NT5C: variants seen among roughly 807,000 people sequenced by gnomAD.
NT5C encodes the protein 5'(3')-deoxyribonucleotidase, cytosolic type.
In NT5C, 14 loss-of-function variants were observed where a neutral mutation model predicts 17.6. The observed-to-expected ratio is 0.79, with a 90% CI of 0.52 to 1.24. NT5C has a LOEUF of 1.24. Among genes scored for constraint, NT5C ranks in the 50% most tolerant of loss-of-function variants. The pLI, the probability that NT5C is intolerant of heterozygous loss-of-function variation, is 0.00. For missense variants in NT5C, 328 were observed against 278.3 expected, an observed-to-expected ratio of 1.18 and a Z score of -1.27; for synonymous variants, 153 against 119.2, an observed-to-expected ratio of 1.28 and a Z score of -1.85.
Position 75,130,647 on chromosome 17 carries a change from G to A in NT5C, c.452-5C>T, listed in dbSNP as rs984584634. The A allele has an allele frequency of 1.0e-5, 15 of 1,481,610 alleles. No individual in the cohort carries two copies. Among genetic ancestry groups the A allele is most frequent in the East Asian group, 2.5e-5 (1 of 39,700 alleles). 91.8% of individuals were successfully genotyped at this position (1,481,610 alleles called of 1,614,324 possible). On this transcript the variant is annotated splice_region_variant and splice_polypyrimidine_tract_variant and intron_variant, in intron 4 of 4. Transcript: ENST00000245552. ...AGCTTGGGGTCTCCTCCTGGCCTAGGACAGTGAAAGACAGCGCGCTGCCAT... is the reference window on the plus strand; with the variant it reads ...AGCTTGGGGTCTCCTCCTGGCCTAGAACAGTGAAAGACAGCGCGCTGCCAT...
At chr17:75,130,901 G>C in intron 3 of NT5C, 34 bp from the exon 4 acceptor site, 1 of 1,613,670 alleles carries the variant, frequency 6.2e-7, no homozygotes. Flanking sequence ...AGTAGGGCCT[G>C]ATGGAAGCCG....
Position 75,130,386 on chromosome 17 carries a change from G to C in NT5C, c.*102C>G, listed in dbSNP as rs548895134. 4.2e-6 allele frequency: 6 copies of C among 1,444,430 alleles called. No individual in the cohort carries two copies. The African/African-American group carries it at 8.4e-5, about 20-fold the overall frequency. The allele number at this position is 1,444,430 out of a possible 1,614,324, so 89.5% of individuals were successfully genotyped here. On this transcript the variant is annotated 3_prime_UTR_variant, in exon 5 of 5. Transcript: ENST00000245552. The stretch of plus-strand genomic sequence containing the variant: ...CGGTATCTGCCTGCTCCACTCCACG[G>C]GGCCAGAGGCACCAGCACGATGCCG...
In NT5C at chr17:75,131,271, G is replaced by C. The variant is rs773184845; in HGVS notation, c.185C>G (p.Ala62Gly). 6.8e-6 allele frequency: 11 copies of C among 1,613,884 alleles called. No individual in the cohort carries two copies. In the South Asian group the frequency reaches 1.1e-4, roughly 16 times the overall value. The change falls in exon 2 of 5, where the codon GCC becomes GGC. Residue 62 changes from alanine (A) to glycine (G), a missense_variant. Transcript: ENST00000245552. ...AAAGCCCGGGGCTTCGTACACACTG[G>C]CCACTTTATCCTGAAAGACAAGAGT... ...ALRPDLADKV[A>G]SVYEAPGFFL... is the part of the protein sequence containing the mutation.
rs565285796 is a variant in NT5C at position 75,130,310 on chromosome 17, C to T, written c.*178G>A. 1.7e-5 allele frequency: 12 copies of T among 692,938 alleles called. No homozygotes were observed. In the South Asian group the frequency reaches 1.8e-4, roughly 10 times the overall value. The allele number at this position is 692,938 out of a possible 1,614,324, so 42.9% of individuals were successfully genotyped here. ...GCCAGCCAGGGTCCAGGGACAGCCT[C>T]TCGGGAGGTACCGGGTGGCTGGGCC... On this transcript the variant is annotated 3_prime_UTR_variant, in exon 5 of 5. Coordinates refer to ENST00000245552, the MANE Select transcript of NT5C (RefSeq NM_014595.3).
rs534744896 is a variant in NT5C at position 75,131,703 on chromosome 17, G to A, written c.5C>T (p.Ala2Val). The A allele has an allele frequency of 5.8e-5, 74 of 1,282,608 alleles. 1 individual carries two copies. The highest frequency in any genetic ancestry group is 5.3e-4 in the East Asian group (17 of 32,020). 79.5% of individuals were successfully genotyped at this position (1,282,608 alleles called of 1,614,324 possible). Residue 2 changes from alanine (A) to valine (V), a missense_variant, in exon 1 of 5, where the codon GCG (alanine) becomes GTG (valine). Coordinates refer to ENST00000245552, the MANE Select transcript of NT5C (RefSeq NM_014595.3). M[A>V]RSVRVLVDMD... is the part of the protein sequence containing the mutation. ...GTCCACCAGCACGCGCACGCTCCGC[G>A]CCATCGCCGCCGGGCCGGAGCTGCG...
At position 75,131,604 on chromosome 17, in the gene NT5C, TGCGGCTCCTCAGGGAA is replaced by T. The variant is rs2074127860; in HGVS notation, c.88_103del (p.Phe30ThrfsTer53). ...GCCGCGGCGTTGCTCCAGCGGCACGTGCGGCTCCTCAGGGAAGCGGCGGCGGAAGCCCCGCAGGAGG... is the reference window on the plus strand; with the variant it reads ...GCCGCGGCGTTGCTCCAGCGGCACGTGCGGCGGCGGAAGCCCCGCAGGAGG... On this transcript the variant is annotated frameshift_variant, in exon 1 of 5. Transcript: ENST00000245552. LOFTEE classifies it high-confidence loss of function. The T allele has an allele frequency of 7.2e-7, 1 of 1,396,496 alleles. No individual in the cohort carries two copies. Among genetic ancestry groups the T allele is most frequent in the Non-Finnish European group, 9.2e-7 (1 of 1,081,710 alleles). 86.5% of individuals were successfully genotyped at this position (1,396,496 alleles called of 1,614,324 possible). A position where few individuals can be genotyped will look rare whatever the true frequency, so the allele number is the denominator to read the frequency against.
chr17:75,130,277 AT>A lies in NT5C; in HGVS notation c.*210del. ...AGGTCCCGACTGGTTTTCCCACTGT[AT>A]TTCCATGCCAGCCAGGGTCCAGGGA... On this transcript the variant is annotated 3_prime_UTR_variant, in exon 5 of 5. Transcript: ENST00000245552. 1 of 594,816 alleles carries A rather than the reference AT, an allele frequency of 1.7e-6. No individual in the cohort carries two copies. The allele number at this position is 594,816 out of a possible 1,614,324, so 36.8% of individuals were successfully genotyped here.
Position 75,131,261 on chromosome 17 carries a change from G to C in NT5C, c.195C>G (p.Tyr65Ter), listed in dbSNP as rs769568159. 6.2e-7 allele frequency: 1 copy of C among 1,613,970 alleles called. No individual in the cohort carries two copies. The highest frequency in any genetic ancestry group is 8.5e-7 in the Non-Finnish European group (1 of 1,180,004). ...PDLADKVASV[Y>*]EAPGFFLDLE... ...GGTCCAGGAAAAAGCCCGGGGCTTC[G>C]TACACACTGGCCACTTTATCCTGAA... Residue 65 changes from tyrosine to a stop codon, truncating the protein, a stop_gained, in exon 2 of 5, where the codon TAC becomes TAG. Coordinates refer to ENST00000245552, the MANE Select transcript of NT5C (RefSeq NM_014595.3). LOFTEE classifies it high-confidence loss of function.
chr17:75,131,424 C>G (rs1002996357), intron 1 of NT5C, 110 bp downstream of exon 1: 1 of 1,392,390 alleles, frequency 7.2e-7, no homozygotes, highest in African/African-American at 1.5e-5. Context: ...CCCCAGGGTG[C>G]GCTGCCCGCG....
In NT5C at chr17:75,131,118, A is replaced by G. The variant is rs1022648976; in HGVS notation, c.276-13T>C. ...GAAGACCTGCGTGCTGCGGAGAAGG[A>G]CGCGGTTACCGCCGGGAGCCAGGAG... On this transcript the variant is annotated splice_polypyrimidine_tract_variant and intron_variant, in intron 2 of 4. Coordinates refer to ENST00000245552, the MANE Select transcript of NT5C (RefSeq NM_014595.3). The G allele has an allele frequency of 1.2e-6, 2 of 1,612,972 alleles. No individual in the cohort carries two copies. The highest frequency in any genetic ancestry group is 3.3e-5 in the Admixed American group (2 of 59,998).
At position 75,130,416 on chromosome 17, in the gene NT5C, G is replaced by C; in HGVS notation, c.*72C>G. The stretch of plus-strand genomic sequence containing the variant: ...AGAGGCACCAGCACGATGCCGCCCC[G>C]ACTCGGCTCTGCGGTGGCCCCTGTG... On this transcript the variant is annotated 3_prime_UTR_variant, in exon 5 of 5. Coordinates refer to ENST00000245552, the MANE Select transcript of NT5C (RefSeq NM_014595.3). The C allele has an allele frequency of 6.4e-7, 1 of 1,569,538 alleles. No homozygotes were observed. Among genetic ancestry groups the C allele is most frequent in the South Asian group, 1.1e-5 (1 of 87,088 alleles).
intron 1 of NT5C, 113 bp from the exon 2 acceptor site, chr17:75,131,394 G>T (rs2074122545): frequency 7.2e-7 from 1 of 1,398,020 alleles, no homozygotes; most frequent in Admixed American, 2.4e-5. Context: ...TCGGTCAGGG[G>T]CACGCGCCCA....
Position 75,131,285 on chromosome 17 carries a change from A to T in NT5C, c.175-4T>A, listed in dbSNP as rs766041213. On this transcript the variant is annotated splice_region_variant and splice_polypyrimidine_tract_variant and intron_variant, in intron 1 of 4. Transcript: ENST00000245552. ...CGTACACACTGGCCACTTTATCCTG[A>T]AAGACAAGAGTTCTGGGTCCCGGCT... is the stretch of plus-strand genomic sequence containing the variant. 48 of 1,613,482 alleles carry T rather than the reference A, an allele frequency of 3.0e-5. No individual in the cohort carries two copies. Among genetic ancestry groups the T allele is most frequent in the Non-Finnish European group, 3.9e-5 (46 of 1,179,882 alleles).
chr17:75,130,640 G>C lies in NT5C; in HGVS notation c.454C>G (p.Gln152Glu), dbSNP rs2074101706. 2 of 1,486,086 alleles carry C rather than the reference G, an allele frequency of 1.3e-6. No individual in the cohort carries two copies. Among genetic ancestry groups the C allele is most frequent in the Non-Finnish European group, 9.0e-7 (1 of 1,114,712 alleles). 92.1% of individuals were successfully genotyped at this position (1,486,086 alleles called of 1,614,324 possible). The part of the protein sequence containing the change: ...LIDDKDTVRG[Q>E]EETPSWEHIL... ...TGCTCCCAGCTTGGGGTCTCCTCCT[G>C]GCCTAGGACAGTGAAAGACAGCGCG... The change falls in exon 5 of 5, where the codon CAG becomes GAG. Residue 152 changes from glutamine to glutamate, a missense_variant and splice_region_variant. Gln to Glu is a conservative substitution (Grantham distance 29). Transcript: ENST00000245552.
chr17:75,131,491 G>T, intron 1 of NT5C, 43 bp downstream of exon 1: 1 of 1,432,502 alleles, frequency 7.0e-7, no homozygotes, highest in South Asian at 1.5e-5. Flanking sequence ...CCCCGGAACG[G>T]AGCGAGCGGG....
In NT5C at chr17:75,131,718, C is replaced by T; in HGVS notation, c.-11G>A. On this transcript the variant is annotated 5_prime_UTR_variant, in exon 1 of 5. Transcript: ENST00000245552. ...CACGCTCCGCGCCATCGCCGCCGGG[C>T]CGGAGCTGCGAGCTCTCGGGGTCTG... 7.9e-7 allele frequency: 1 copy of T among 1,273,802 alleles called. No individual in the cohort carries two copies. Among genetic ancestry groups the T allele is most frequent in the South Asian group, 2.7e-5 (1 of 37,342 alleles). 78.9% of individuals were successfully genotyped at this position (1,273,802 alleles called of 1,614,324 possible). A position where few individuals can be genotyped will look rare whatever the true frequency, so the allele number is the denominator to read the frequency against.
intron 3 of NT5C, 79 bp downstream of exon 3, chr17:75,130,966 T>A: frequency 6.3e-7 from 1 of 1,599,456 alleles, no homozygotes; most frequent in Non-Finnish European, 8.5e-7. Context: ...CACCCCCACC[T>A]TCTGGGTTTC....
rs893386225 is a variant in NT5C, at chr17:75,130,545, C to T, written c.549G>A (p.Trp183Ter). 1.9e-6 allele frequency: 3 copies of T among 1,614,094 alleles called. No homozygotes were observed. Among genetic ancestry groups the T allele is most frequent in the Admixed American group, 3.3e-5 (2 of 60,012 alleles). ...LPPTRRRLLS[W>*]SDNWREILDS... is the part of the protein sequence containing the mutation. ...CTAAGATCTCCCTCCAGTTGTCACTCCAGGAGAGCAGCCGTCTCCTTGTCG... is the reference window on the plus strand; with the variant it reads ...CTAAGATCTCCCTCCAGTTGTCACTTCAGGAGAGCAGCCGTCTCCTTGTCG... Residue 183 changes from tryptophan (W) to a stop codon, truncating the protein, a stop_gained, in exon 5 of 5, where the codon TGG becomes TGA. Coordinates refer to ENST00000245552, the MANE Select transcript of NT5C (RefSeq NM_014595.3). LOFTEE classifies it high-confidence loss of function.
chr17:75,130,294 G>A lies in NT5C; in HGVS notation c.*194C>T. The A allele has an allele frequency of 6.4e-6, 4 of 625,398 alleles. No homozygotes were observed. Among genetic ancestry groups the A allele is most frequent in the Non-Finnish European group, 1.1e-5 (4 of 359,032 alleles). The allele number at this position is 625,398 out of a possible 1,614,324, so 38.7% of individuals were successfully genotyped here. A position where few individuals can be genotyped will look rare whatever the true frequency, so the allele number is the denominator to read the frequency against. On this transcript the variant is annotated 3_prime_UTR_variant, in exon 5 of 5. Transcript: ENST00000245552. The stretch of plus-strand genomic sequence containing the variant: ...CCCACTGTATTTCCATGCCAGCCAG[G>A]GTCCAGGGACAGCCTCTCGGGAGGT...
Sources: allele counts gnomAD v4.1 joint callset, GRCh38; gene constraint gnomAD v4.1.1; transcripts MANE v1.5; gene names NCBI Gene and HGNC (gene_info 2026-07-23, HGNC 2026-07-21).